The following MCTP2 variants were observed in gnomAD, a reference collection of about 807,000 sequenced individuals.
MCTP2 encodes the protein multiple C2 and transmembrane domain-containing protein 2.
MCTP2 carries 132 observed loss-of-function variants against 111.6 expected under a neutral mutation model. That is an observed-to-expected ratio of 1.18 (90% CI 1.03 to 1.37). MCTP2 has a LOEUF of 1.37. MCTP2 is among the 40% of genes most tolerant of loss of function. MCTP2 has a pLI of 0.00. For synonymous variants in MCTP2, 395 were observed against 387.7 expected, an observed-to-expected ratio of 1.02 and a Z score of -0.22; for missense variants, 1,183 against 1,067.9, an observed-to-expected ratio of 1.11 and a Z score of -1.50.
At chr15:94,471,699 A>G (rs28408381) in intron 21 of MCTP2, among the ~76,000 whole-genome samples, 1,644 of 150,756 alleles carry the variant, frequency 0.011, 28 homozygotes, top group African/African-American at 0.039. Context: ...ATAATAGCAA[A>G]TTGGTCCTTA....
intron 1 of MCTP2, among the ~76,000 whole-genome samples, chr15:94,275,613 G>A (rs909858016): frequency 2.6e-5 from 4 of 151,756 alleles, no homozygotes; most frequent in Non-Finnish European, 5.9e-5. Context: ...AATCAATTTC[G>A]TATTTATTGC....
At chr15:94,402,230 TGTTTAA>T in intron 17 of MCTP2, 33 of 919,102 alleles carry the variant, frequency 3.6e-5, no homozygotes, top group Non-Finnish European at 4.0e-5. Flanking sequence ...TGTATATATA[TGTTTAA>T]ATGTTTCTCC....
At chr15:94,394,628 G>C (rs775424502) in intron 14 of MCTP2, among the ~76,000 whole-genome samples, 164 of 152,080 alleles carry the variant, frequency 1.1e-3, no homozygotes, top group Admixed American at 2.8e-3. Context: ...AGCTAGGTGT[G>C]GTGGCATGTG....
chr15:94,457,943 G>C (rs1260768800), intron 19 of MCTP2, among the ~76,000 whole-genome samples, 194 bp from the exon 20 acceptor site: 3 of 152,130 alleles, frequency 2.0e-5, no homozygotes, highest in East Asian at 1.9e-4. Flanking sequence ...TTGCGCGTTA[G>C]GAGTGGTAGC....
chr15:94,412,086 G>A (rs1196293069), intron 17 of MCTP2, among the ~76,000 whole-genome samples: 1 of 152,178 alleles, frequency 6.6e-6, no homozygotes, highest in Non-Finnish European at 1.5e-5. Context: ...TGAGGTAGGA[G>A]GGGCTTTCAT....
intron 1 of MCTP2, among the ~76,000 whole-genome samples, chr15:94,255,354 G>A (rs1029850959): frequency 5.3e-5 from 8 of 152,132 alleles, no homozygotes; most frequent in Admixed American, 6.6e-5. Flanking sequence ...TTTTCGTAGT[G>A]TTTCTAGTAT....
intron 1 of MCTP2, among the ~76,000 whole-genome samples, chr15:94,240,514 G>T (rs911089163): frequency 6.6e-6 from 1 of 152,148 alleles, no homozygotes; most frequent in Non-Finnish European, 1.5e-5. Flanking sequence ...CCTGAGTTTG[G>T]AAGTAGCTGT....
At chr15:94,364,031 G>T (rs911982086) in intron 10 of MCTP2, among the ~76,000 whole-genome samples, 1 of 149,250 alleles carries the variant, frequency 6.7e-6, no homozygotes, top group Middle Eastern at 3.2e-3. Flanking sequence ...TTTGACCAGC[G>T]TTTCTTGAGC....
At chr15:94,342,372 A>G (rs1168324227) in intron 7 of MCTP2, 2 of 152,138 alleles carry the variant, frequency 1.3e-5, no homozygotes, top group Non-Finnish European at 2.9e-5. Flanking sequence ...AAAAGATCTC[A>G]AAGAGACTAT....
At chr15:94,471,860 C>A (rs1463525487) in intron 21 of MCTP2, among the ~76,000 whole-genome samples, 1 of 151,832 alleles carries the variant, frequency 6.6e-6, no homozygotes, top group Admixed American at 6.6e-5. Context: ...GTGCGTACTA[C>A]TATCTTGTTT....
chr15:94,291,911 G>A (rs1468654129), intron 1 of MCTP2, among the ~76,000 whole-genome samples: 6 of 152,184 alleles, frequency 3.9e-5, no homozygotes, highest in Non-Finnish European at 7.3e-5. Flanking sequence ...GGCAAAAGCA[G>A]TCATCGCCAA....
intron 17 of MCTP2, among the ~76,000 whole-genome samples, chr15:94,435,629 C>CTTTTTTTTTTTTTTTTTTTTTTTT (rs202170550): frequency 9.3e-5 from 11 of 117,922 alleles, no homozygotes; most frequent in African/African-American, 2.8e-4. Flanking sequence ...TTTTTTTATT[C>CTTTTTTTTTTTTTTTTTTTTTTTT]TTTTTTTTTT....
chr15:94,385,234 G>A (rs1029525252), intron 13 of MCTP2, among the ~76,000 whole-genome samples, 189 bp from the exon 14 acceptor site: 11 of 152,082 alleles, frequency 7.2e-5, no homozygotes, highest in African/African-American at 1.9e-4. Context: ...TCATATGGAT[G>A]TCTGAATCTT....
rs146539078 is a variant in MCTP2 at position 94,470,422 on chromosome 15, G to A, written c.2450G>A (p.Arg817Gln). 1.1e-4 allele frequency: 184 copies of A among 1,611,318 alleles called. No individual in the cohort carries two copies. Among genetic ancestry groups the A allele is most frequent in the Middle Eastern group, 5.0e-4 (3 of 6,056 alleles). Residue 817 changes from arginine (R) to glutamine (Q), a missense_variant, in exon 21 of 23, where the codon CGG (arginine) becomes CAG (glutamine). Physicochemically the swap from Arg to Gln is conservative, Grantham distance 43. Coordinates refer to ENST00000357742, the MANE Select transcript of MCTP2 (RefSeq NM_001385001.1). Reference protein sequence around the residue: ...ATIILYFIPLRYIILIWGINK... With the variant: ...ATIILYFIPLQYIILIWGINK... ...ATCATTTTGTATTTCATTCCACTGC[G>A]GTACATCATTTTAATCTGGGGTAAG...
chr15:94,354,330 G>A (rs749612132), intron 8 of MCTP2, among the ~76,000 whole-genome samples: 26 of 152,136 alleles, frequency 1.7e-4, no homozygotes, highest in South Asian at 6.2e-4. Flanking sequence ...ATCTTGAATT[G>A]TAATCCCCAT....
Position 94,276,992 on chromosome 15 carries a change from A to C in MCTP2, c.-65-21209A>C, listed in dbSNP as rs182603151. On this transcript the variant is annotated intron_variant, in intron 1 of 22. Coordinates refer to ENST00000357742, the MANE Select transcript of MCTP2 (RefSeq NM_001385001.1). ...TTAAGTGACTTGAAAAAGATGACAC[A>C]AAACTGTCCTCATTTGAAAATAATT... Among the ~76,000 whole-genome samples, 652 of 152,008 alleles carry C rather than the reference A, an allele frequency of 4.3e-3. 7 individuals carry two copies. The highest frequency in any genetic ancestry group is 0.015 in the African/African-American group (624 of 41,520).
At chr15:94,352,666 T>C (rs1017818547) in intron 8 of MCTP2, among the ~76,000 whole-genome samples, 68 of 152,190 alleles carry the variant, frequency 4.5e-4, no homozygotes, top group African/African-American at 1.5e-3. Flanking sequence ...CATTCCAGGC[T>C]GCATTAAGAT....
In MCTP2 at chr15:94,483,442, C is replaced by T. The variant is rs1226860669; in HGVS notation, c.*4408C>T. ...AACACTATTTACAATAGCAAAGACA[C>T]TGGATCAGTCTAAATGCCCATCATT... On this transcript the variant is annotated 3_prime_UTR_variant, in exon 23 of 23. Coordinates refer to ENST00000357742, the MANE Select transcript of MCTP2 (RefSeq NM_001385001.1). 3 of 152,130 alleles carry T rather than the reference C, an allele frequency of 2.0e-5. No homozygotes were observed. The highest frequency in any genetic ancestry group is 7.2e-5 in the African/African-American group (3 of 41,418). 9.4% of individuals were successfully genotyped at this position (152,130 alleles called of 1,614,324 possible). A position where few individuals can be genotyped will look rare whatever the true frequency, so the allele number is the denominator to read the frequency against.
Position 94,479,086 on chromosome 15 carries a change from G to C in MCTP2, c.*52G>C. 6.4e-7 allele frequency: 1 copy of C among 1,559,502 alleles called. No homozygotes were observed. The highest frequency in any genetic ancestry group is 8.8e-7 in the Non-Finnish European group (1 of 1,130,858). On this transcript the variant is annotated 3_prime_UTR_variant, in exon 23 of 23. Transcript: ENST00000357742. ...ACCCAATATTGTGTTTGGTTGAGTAGACCAATGTTATGGCTGTTTCAGTGG... is the reference window on the plus strand; with the variant it reads ...ACCCAATATTGTGTTTGGTTGAGTACACCAATGTTATGGCTGTTTCAGTGG...
Sources: gnomAD v4.1 joint callset for allele counts (sites outside exome capture counted in the v4.1 genomes callset) on GRCh38, gnomAD v4.1.1 for gene constraint, MANE v1.5 for transcripts, NCBI Gene and HGNC (gene_info 2026-07-23, HGNC 2026-07-21) for gene names.